SOX6: variants seen among roughly 807,000 people sequenced by gnomAD.
SOX6 encodes the protein SRY-box transcription factor 6.
A neutral mutation model predicts 97.8 loss-of-function variants in SOX6; 11 were observed. That is an observed-to-expected ratio of 0.11 (90% CI 0.07 to 0.19). The LOEUF is 0.19. Among genes scored for constraint, SOX6 ranks in the 10% least tolerant of loss-of-function variants. SOX6 has a pLI of 1.00. For synonymous variants in SOX6, 360 were observed against 371.4 expected, an observed-to-expected ratio of 0.97 and a Z score of 0.35; for missense variants, 810 against 1,039.5, an observed-to-expected ratio of 0.78 and a Z score of 3.04.
chr11:16,585,599 A>T (rs1848082400), intron 4 of SOX6, among the ~76,000 whole-genome samples: 1 of 152,176 alleles, frequency 6.6e-6, no homozygotes. Flanking sequence ...TTGACAAAAA[A>T]TACTAAAAAC....
chr11:16,640,296 G>T (rs1848886366), intron 3 of SOX6, among the ~76,000 whole-genome samples: 1 of 152,162 alleles, frequency 6.6e-6, no homozygotes, highest in Non-Finnish European at 1.5e-5. Context: ...TTGATGTGCT[G>T]CTGGATTCGG....
intron 4 of SOX6, among the ~76,000 whole-genome samples, chr11:16,214,750 T>C (rs1852321824): frequency 8.1e-6 from 1 of 124,204 alleles, no homozygotes; most frequent in Non-Finnish European, 1.6e-5. Flanking sequence ...GAACCAATTT[T>C]TTTTTTTTTT....
intron 1 of SOX6, among the ~76,000 whole-genome samples, chr11:16,391,419 A>G (rs1423915180): frequency 1.3e-5 from 2 of 152,154 alleles, no homozygotes; most frequent in Non-Finnish European, 2.9e-5. Flanking sequence ...CACATTATTC[A>G]TTAGTTTATG....
intron 3 of SOX6, among the ~76,000 whole-genome samples, chr11:16,651,851 A>T (rs1244529078): frequency 2.0e-5 from 3 of 152,202 alleles, no homozygotes; most frequent in Non-Finnish European, 4.4e-5. Flanking sequence ...TTCACAGATT[A>T]TATGATCATA....
chr11:16,634,442 ATAT>A (rs1419973054), intron 3 of SOX6, among the ~76,000 whole-genome samples: 1 of 152,186 alleles, frequency 6.6e-6, no homozygotes, highest in Non-Finnish European at 1.5e-5. Context: ...GGAAATAAGA[ATAT>A]TTGATAAAAT....
intron 4 of SOX6, among the ~76,000 whole-genome samples, chr11:16,595,238 C>A (rs368319945): frequency 6.6e-6 from 1 of 151,806 alleles, no homozygotes; most frequent in African/African-American, 2.4e-5. Context: ...GATGCCAAAG[C>A]GGTGGTGAGG....
At chr11:16,152,876 T>G (rs1290585842) in intron 6 of SOX6, among the ~76,000 whole-genome samples, 1 of 151,806 alleles carries the variant, frequency 6.6e-6, no homozygotes, top group Non-Finnish European at 1.5e-5. Flanking sequence ...AATTTTTTGT[T>G]TGTTTGTTTG....
intron 3 of SOX6, among the ~76,000 whole-genome samples, chr11:16,688,051 C>A (rs1320677850): frequency 6.6e-6 from 1 of 152,076 alleles, no homozygotes; most frequent in Non-Finnish European, 1.5e-5. Flanking sequence ...TGGCTCACTG[C>A]AGCCTCAACC....
At chr11:16,727,843 G>C (rs777784980) in intron 2 of SOX6, among the ~76,000 whole-genome samples, 8 of 152,010 alleles carry the variant, frequency 5.3e-5, no homozygotes, top group Non-Finnish European at 1.2e-4. Flanking sequence ...CTGGATCAGT[G>C]TTTATTATTT....
At chr11:16,136,437 G>A (rs766914259) in intron 6 of SOX6, among the ~76,000 whole-genome samples, 6 of 145,020 alleles carry the variant, frequency 4.1e-5, no homozygotes, top group Admixed American at 7.1e-5. Context: ...GTCTCACTTC[G>A]TCACCCAGGC....
chr11:16,067,042 C>A (rs1228667313), intron 9 of SOX6, among the ~76,000 whole-genome samples: 1 of 152,122 alleles, frequency 6.6e-6, no homozygotes, highest in African/African-American at 2.4e-5. Flanking sequence ...TTACCCAATG[C>A]CTGTTACTCC....
At chr11:16,074,551 T>C (rs577074575) in intron 9 of SOX6, among the ~76,000 whole-genome samples, 9 of 152,268 alleles carry the variant, frequency 5.9e-5, no homozygotes, top group Non-Finnish European at 1.0e-4. Context: ...ACTGAAACTA[T>C]TTCTATATAC....
intron 3 of SOX6, among the ~76,000 whole-genome samples, chr11:16,667,423 G>A (rs746035592): frequency 4.6e-5 from 7 of 151,622 alleles, no homozygotes; most frequent in Non-Finnish European, 8.8e-5. Flanking sequence ...ACAGTCCTAA[G>A]ATCAACAAGA....
In SOX6 at chr11:16,432,537, C is replaced by T. The variant is rs762257321; in HGVS notation, c.-5+43778G>A. ...AGATGTATCCAATGATACAAATTGC[C>T]GTAATCAGAAACCCAGTTTTACATT... On this transcript the variant is annotated intron_variant, in intron 1 of 15. Transcript: ENST00000396356. Among the ~76,000 whole-genome samples the T allele has an allele frequency of 4.6e-5, 7 of 151,962 alleles. No homozygotes were observed. The South Asian group carries it at 6.2e-4, about 14-fold the overall frequency.
intron 3 of SOX6, among the ~76,000 whole-genome samples, chr11:16,660,013 TC>T (rs988418086): frequency 9.2e-5 from 14 of 152,158 alleles, no homozygotes; most frequent in Admixed American, 2.0e-4. Context: ...TCTTCTTTTT[TC>T]TTTGGTTAGA....
chr11:16,443,214 A>G (rs1468475364), intron 1 of SOX6, among the ~76,000 whole-genome samples: 2 of 152,276 alleles, frequency 1.3e-5, no homozygotes, highest in Admixed American at 1.3e-4. Flanking sequence ...ATTTCTACAT[A>G]TATTTTTTCA....
At chr11:16,305,750 TTTTG>T (rs753903423) in intron 3 of SOX6, among the ~76,000 whole-genome samples, 3 of 152,174 alleles carry the variant, frequency 2.0e-5, no homozygotes, top group Non-Finnish European at 4.4e-5. Flanking sequence ...CTTCTTAAAA[TTTTG>T]TTTGTATTGA....
At chr11:16,665,777 C>T (rs1590044538) in intron 3 of SOX6, among the ~76,000 whole-genome samples, 2 of 152,166 alleles carry the variant, frequency 1.3e-5, no homozygotes, top group South Asian at 2.1e-4. Flanking sequence ...CCAGTGCAGT[C>T]GCAGTGGTGG....
intron 2 of SOX6, among the ~76,000 whole-genome samples, chr11:16,722,948 C>A (rs940873113): frequency 3.9e-5 from 6 of 152,148 alleles, no homozygotes; most frequent in African/African-American, 1.4e-4. Flanking sequence ...AGGAGAACTA[C>A]CATTCAATCC....
Sources: allele counts gnomAD v4.1 joint callset (sites outside exome capture counted in the v4.1 genomes callset), GRCh38; gene constraint gnomAD v4.1.1; transcripts MANE v1.5; gene names NCBI Gene and HGNC (gene_info 2026-07-23, HGNC 2026-07-21).